Variants in COMMD2 observed in about 807,000 individuals in gnomAD.
COMMD2 encodes COMM domain containing 2, also known as COMM domain-containing protein 2.
In COMMD2, 25 loss-of-function variants were observed where a neutral mutation model predicts 22.5. The ratio of observed to expected loss-of-function variants is 1.11; its 90% CI spans 0.81 to 1.55. The LOEUF (loss-of-function observed/expected upper bound fraction) is 1.55. Ranked by LOEUF, COMMD2 falls within the 40% of genes most tolerant of loss-of-function variation. The pLI, the probability that COMMD2 is intolerant of heterozygous loss-of-function variation, is 0.00. For missense variants in COMMD2, 223 were observed against 232.9 expected, an observed-to-expected ratio of 0.96 and a Z score of 0.28; for synonymous variants, 98 against 91.2, an observed-to-expected ratio of 1.07 and a Z score of -0.42.
In COMMD2 at chr3:149,752,389, A is replaced by G; in HGVS notation, c.56T>C (p.Val19Ala). 1 of 1,614,118 alleles carries G rather than the reference A, an allele frequency of 6.2e-7. No individual in the cohort carries two copies. The highest frequency in any genetic ancestry group is 2.2e-5 in the East Asian group (1 of 44,880). ...HKEHLAFLPQ[V>A]DSAVVAEFGR... is the part of the protein sequence containing the mutation. ...CCACGCCCGCTGACCCGCGCTGTCC[A>G]CTTGAGGCAGGAAGGCCAGGTGTTC... is the stretch of plus-strand genomic sequence containing the variant. Residue 19 changes from valine to alanine, a missense_variant, in exon 1 of 5, where the codon GTG becomes GCG. Physicochemically the swap from Val to Ala is moderately conservative, Grantham distance 64. Coordinates refer to ENST00000473414, the MANE Select transcript of COMMD2 (RefSeq NM_016094.4).
At chr3:149,750,893 G>A (rs75480034) in intron 3 of COMMD2, 42 bp from the exon 4 acceptor site, 24,329 of 1,300,748 alleles carry the variant, frequency 0.019, 414 homozygotes, top group East Asian at 0.096. Context: ...ATTTATCTTT[G>A]TCTAGCTAAA....
At chr3:149,746,034 A>C (rs1559854984) in intron 4 of COMMD2, among the ~76,000 whole-genome samples, 1 of 152,234 alleles carries the variant, frequency 6.6e-6, no homozygotes, top group Non-Finnish European at 1.5e-5. Flanking sequence ...GATTTGAACT[A>C]ATCTGGCATC....
Position 149,750,709 on chromosome 3 carries a change from T to A in COMMD2, c.371A>T (p.Tyr124Phe). The A allele has an allele frequency of 6.3e-7, 1 of 1,592,340 alleles. No homozygotes were observed. Among genetic ancestry groups the A allele is most frequent in the Non-Finnish European group, 8.6e-7 (1 of 1,168,764 alleles). The change falls in exon 4 of 5, where the codon TAT (tyrosine) becomes TTT (phenylalanine). Residue 124 changes from tyrosine (Y) to phenylalanine (F), a missense_variant. Physicochemically the swap from Tyr to Phe is conservative, Grantham distance 22. Coordinates refer to ENST00000473414, the MANE Select transcript of COMMD2 (RefSeq NM_016094.4). ...ATCTAGTCGCCATTCAAGGTTATGATAACTGGGAAGGCTTGGTGCCAATTC... is the reference window on the plus strand; with the variant it reads ...ATCTAGTCGCCATTCAAGGTTATGAAAACTGGGAAGGCTTGGTGCCAATTC... Reference protein sequence around the residue: ...LSELAPSLPSYHNLEWRLDVQ... With the variant: ...LSELAPSLPSFHNLEWRLDVQ...
intron 3 of COMMD2, 116 bp from the exon 4 acceptor site, chr3:149,750,967 C>T (rs1576660821): frequency 1.5e-6 from 1 of 666,886 alleles, no homozygotes; most frequent in East Asian, 3.0e-5. Context: ...AAAGAAACAG[C>T]ATTCCTTAAC....
chr3:149,742,992 A>C (rs1716277272), intron 4 of COMMD2, among the ~76,000 whole-genome samples: 1 of 151,502 alleles, frequency 6.6e-6, no homozygotes, highest in Admixed American at 6.6e-5. Context: ...GAAAAAGAAA[A>C]AGAAAAAGAA....
intron 3 of COMMD2, 28 bp from the exon 4 acceptor site, chr3:149,750,879 C>A: frequency 7.1e-7 from 1 of 1,415,860 alleles, no homozygotes; most frequent in South Asian, 1.3e-5. Context: ...AAAAGAACAT[C>A]AAAATTTATC....
At position 149,740,605 on chromosome 3, in the gene COMMD2, A is replaced by G. The variant is rs890198223; in HGVS notation, c.*916T>C. 2 of 152,238 alleles carry G rather than the reference A, an allele frequency of 1.3e-5. No homozygotes were observed. The highest frequency in any genetic ancestry group is 4.8e-5 in the African/African-American group (2 of 41,474). The allele number at this position is 152,238 out of a possible 1,614,324, so 9.4% of individuals were successfully genotyped here. On this transcript the variant is annotated 3_prime_UTR_variant, in exon 5 of 5. Coordinates refer to ENST00000473414, the MANE Select transcript of COMMD2 (RefSeq NM_016094.4). ...GCAATATGATACTTATCATCTTCATATACAAAGAAAAATGAATAAACTGCC... is the reference window on the plus strand; with the variant it reads ...GCAATATGATACTTATCATCTTCATGTACAAAGAAAAATGAATAAACTGCC...
chr3:149,741,473 T>A lies in COMMD2; in HGVS notation c.*48A>T, dbSNP rs1271414047. On this transcript the variant is annotated 3_prime_UTR_variant, in exon 5 of 5. Transcript: ENST00000473414. ...AATTTTGAAAAGTAATTGCTGTATA[T>A]CATCAATTCATAAGTGATTCAAATG... is the stretch of plus-strand genomic sequence containing the variant. 7.2e-7 allele frequency: 1 copy of A among 1,383,608 alleles called. No individual in the cohort carries two copies. Among genetic ancestry groups the A allele is most frequent in the Non-Finnish European group, 1.0e-6 (1 of 970,994 alleles). 85.7% of individuals were successfully genotyped at this position (1,383,608 alleles called of 1,614,324 possible).
At chr3:149,748,749 T>C (rs1716445290) in intron 4 of COMMD2, among the ~76,000 whole-genome samples, 1 of 152,214 alleles carries the variant, frequency 6.6e-6, no homozygotes, top group South Asian at 2.1e-4. Context: ...TGTGTCCCAA[T>C]AAAACTTTAT....
intron 4 of COMMD2, among the ~76,000 whole-genome samples, chr3:149,749,786 C>A (rs1452168589): frequency 6.6e-6 from 1 of 152,122 alleles, no homozygotes; most frequent in Non-Finnish European, 1.5e-5. Context: ...CACAACTACA[C>A]GTGTTGTTGT....
rs1420159972 is a variant in COMMD2, at chr3:149,739,307, G to C, written c.*2214C>G. 1 of 152,110 alleles carries C rather than the reference G, an allele frequency of 6.6e-6. No homozygotes were observed. The highest frequency in any genetic ancestry group is 2.4e-5 in the African/African-American group (1 of 41,418). 9.4% of individuals were successfully genotyped at this position (152,110 alleles called of 1,614,324 possible). On this transcript the variant is annotated 3_prime_UTR_variant, in exon 5 of 5. Coordinates refer to ENST00000473414, the MANE Select transcript of COMMD2 (RefSeq NM_016094.4). ...ATGCAGGGGAATCCACAAGGATGTG[G>C]AATGTTTGAGCAAAAAAAAGGAAGA...
intron 4 of COMMD2, 128 bp from the exon 5 acceptor site, chr3:149,741,846 A>G (rs1399841608): frequency 2.8e-6 from 2 of 705,612 alleles, no homozygotes; most frequent in African/African-American, 3.6e-5. Flanking sequence ...CAAAATGAAA[A>G]GTAAACTTTA....
chr3:149,745,432 C>T (rs1716342957), intron 4 of COMMD2, among the ~76,000 whole-genome samples: 1 of 152,210 alleles, frequency 6.6e-6, no homozygotes, highest in Admixed American at 6.5e-5. Context: ...ACAATACTTG[C>T]CCTCCTGGAG....
chr3:149,749,347 G>A (rs1231401107), intron 4 of COMMD2, among the ~76,000 whole-genome samples: 1 of 152,036 alleles, frequency 6.6e-6, no homozygotes, highest in Non-Finnish European at 1.5e-5. Context: ...TGCTATTTCA[G>A]GTCTAAACCC....
rs1239808959 is a variant in COMMD2 at position 149,740,642 on chromosome 3, A to G, written c.*879T>C. On this transcript the variant is annotated 3_prime_UTR_variant, in exon 5 of 5. Transcript: ENST00000473414. The stretch of plus-strand genomic sequence containing the variant: ...ATGAATAAACTGCCTATAACAATAT[A>G]GCATTAAAAATCCTATTGATGTTCA... The G allele has an allele frequency of 6.6e-6, 1 of 152,230 alleles. No homozygotes were observed. The highest frequency in any genetic ancestry group is 1.5e-5 in the Non-Finnish European group (1 of 68,038). 9.4% of individuals were successfully genotyped at this position (152,230 alleles called of 1,614,324 possible).
At chr3:149,743,399 T>C (rs2064851586) in intron 4 of COMMD2, among the ~76,000 whole-genome samples, 2 of 152,142 alleles carry the variant, frequency 1.3e-5, no homozygotes, top group African/African-American at 4.8e-5. Flanking sequence ...AAAAAAGTTA[T>C]CAAAAATAGT....
chr3:149,749,704 T>C (rs1447935440), intron 4 of COMMD2, among the ~76,000 whole-genome samples: 1 of 152,230 alleles, frequency 6.6e-6, no homozygotes, highest in Non-Finnish European at 1.5e-5. Flanking sequence ...CCTAATTTTC[T>C]CTATTCATTC....
intron 4 of COMMD2, among the ~76,000 whole-genome samples, chr3:149,746,646 G>C (rs1716379046): frequency 6.6e-6 from 1 of 151,072 alleles, no homozygotes; most frequent in Middle Eastern, 3.2e-3. Flanking sequence ...AGCCAGGTGT[G>C]CTGGCACACG....
chr3:149,741,940 C>T (rs1341351641), intron 4 of COMMD2, among the ~76,000 whole-genome samples: 1 of 151,640 alleles, frequency 6.6e-6, no homozygotes, highest in Admixed American at 6.6e-5. Context: ...AAGGCTCAAA[C>T]CATAAAGACA....
Sources: allele counts gnomAD v4.1 joint callset (sites outside exome capture counted in the v4.1 genomes callset), GRCh38; gene constraint gnomAD v4.1.1; transcripts MANE v1.5; gene names NCBI Gene and HGNC (gene_info 2026-07-23, HGNC 2026-07-21).